GPR157: variants seen among roughly 807,000 people sequenced by gnomAD.
The protein encoded by GPR157 is G protein-coupled receptor 157, also known as G-protein coupled receptor 157.
GPR157 carries 16 observed loss-of-function variants against 23.5 expected under a neutral mutation model. The observed-to-expected ratio is 0.68, with a 90% CI of 0.46 to 1.04. The LOEUF (loss-of-function observed/expected upper bound fraction) is 1.04, where lower values mean the gene tolerates loss of function less well. Ranked by LOEUF, GPR157 falls within the 50% of genes least tolerant of loss-of-function variation. The probability of loss-of-function intolerance (pLI) is 0.00; values close to 1 mark genes in which losing one functional copy is unlikely to be tolerated. For missense variants in GPR157, 440 were observed against 460.7 expected, an observed-to-expected ratio of 0.96 and a Z score of 0.41; for synonymous variants, 200 against 221.5, an observed-to-expected ratio of 0.90 and a Z score of 0.86.
At chr1:9,107,990 A>G (rs1014029502) in intron 2 of GPR157, among the ~76,000 whole-genome samples, 18 of 151,576 alleles carry the variant, frequency 1.2e-4, no homozygotes, top group African/African-American at 9.7e-5. Flanking sequence ...TACTCAGGAG[A>G]CTGAGGTGGA....
chr1:9,116,806 G>T (rs1638691383), intron 1 of GPR157, among the ~76,000 whole-genome samples: 1 of 151,528 alleles, frequency 6.6e-6, no homozygotes, highest in Non-Finnish European at 1.5e-5. Context: ...CAGTGGCATA[G>T]TCATGGCTCA....
At position 9,105,034 on chromosome 1, in the gene GPR157, A is replaced by AAC. The variant is rs199973020; in HGVS notation, c.793-402_793-401dup. 0.37 allele frequency among the ~76,000 whole-genome samples: 42,993 copies of AAC among 116,348 alleles called. 7,715 individuals are homozygous for AAC. The highest frequency in any genetic ancestry group is 0.43 in the Middle Eastern group (99 of 232). 76.3% of individuals were successfully genotyped at this position (116,348 alleles called of 152,430 possible). On this transcript the variant is annotated intron_variant, in intron 3 of 3. Coordinates refer to ENST00000377411, the MANE Select transcript of GPR157 (RefSeq NM_024980.5). This position sits in a 1 kb window ranked among gnomAD's most constrained non-coding sequence, Gnocchi z 4.8. ...CCCCAAAAAAGAGAAATGGCTGAGAAACACACACACACACACACACACACA... is the reference window on the plus strand; with the variant it reads ...CCCCAAAAAAGAGAAATGGCTGAGAAACACACACACACACACACACACACACA...
At chr1:9,115,591 C>G (rs1638617828) in intron 1 of GPR157, among the ~76,000 whole-genome samples, 1 of 152,020 alleles carries the variant, frequency 6.6e-6, no homozygotes, top group South Asian at 2.1e-4. Flanking sequence ...GAGTTTTCTT[C>G]CCCCCACACT....
At chr1:9,110,384 G>A (rs12740236) in intron 2 of GPR157, among the ~76,000 whole-genome samples, 21,117 of 152,110 alleles carry the variant, frequency 0.14, 1,628 homozygotes, top group Middle Eastern at 0.21. Flanking sequence ...TTAGCTGGGC[G>A]TGGCGGCACG....
intron 1 of GPR157, among the ~76,000 whole-genome samples, chr1:9,112,397 C>T (rs1399817445): frequency 1.3e-5 from 2 of 152,192 alleles, no homozygotes; most frequent in South Asian, 4.1e-4. Context: ...CAAGGGTCAA[C>T]GGGGACCTTT....
chr1:9,112,662 A>G (rs138218922), intron 1 of GPR157, among the ~76,000 whole-genome samples: 2,129 of 152,272 alleles, frequency 0.014, 65 homozygotes, highest in African/African-American at 0.048. Context: ...CATGTTGGCC[A>G]GCCTGGTCTT....
At chr1:9,110,567 T>C (rs1638461111) in intron 2 of GPR157, among the ~76,000 whole-genome samples, 1 of 152,074 alleles carries the variant, frequency 6.6e-6, no homozygotes, top group Non-Finnish European at 1.5e-5. Context: ...ACAGAATGAG[T>C]GACCGAGTGG....
chr1:9,129,001 C>T lies in GPR157; in HGVS notation c.27G>A (p.Glu9=). The T allele has an allele frequency of 7.6e-7, 1 of 1,317,720 alleles. No homozygotes were observed. Among genetic ancestry groups the T allele is most frequent in the Non-Finnish European group, 9.6e-7 (1 of 1,037,286 alleles). 81.6% of individuals were successfully genotyped at this position (1,317,720 alleles called of 1,614,324 possible). ...CCACGGCGCGCTCCGACGGCACCAG[C>T]TCGGTGGGCGGCGGGGACGGCTGCA... is the stretch of plus-strand genomic sequence containing the variant. The part of the protein sequence containing the change: MQPSPPPT[E]LVPSERAVVL... The change falls in exon 1 of 4, where the codon GAG becomes GAA. Residue 9 remains glutamate (E), a synonymous_variant. Transcript: ENST00000377411.
intron 1 of GPR157, among the ~76,000 whole-genome samples, chr1:9,114,234 C>G (rs556521697): frequency 7.0e-6 from 1 of 143,442 alleles, no homozygotes; most frequent in Admixed American, 7.4e-5. Context: ...GAGGCTGAGG[C>G]GGGAGAATCC....
At chr1:9,126,954 T>C (rs1339055382) in intron 1 of GPR157, among the ~76,000 whole-genome samples, 1 of 152,034 alleles carries the variant, frequency 6.6e-6, no homozygotes, top group Non-Finnish European at 1.5e-5. Flanking sequence ...TCTGCAATCA[T>C]AGCTCACTAC....
intron 1 of GPR157, among the ~76,000 whole-genome samples, chr1:9,122,264 G>A (rs777107745): frequency 2.0e-5 from 3 of 152,156 alleles, no homozygotes; most frequent in Non-Finnish European, 4.4e-5. Flanking sequence ...TGTGGGAGCC[G>A]CCTCACCAGC....
chr1:9,104,629 G>A lies in GPR157; in HGVS notation c.798C>T (p.Ile266=), dbSNP rs143401508. The A allele has an allele frequency of 9.7e-5, 155 of 1,597,816 alleles. No individual in the cohort carries two copies. The highest frequency in any genetic ancestry group is 1.3e-4 in the Non-Finnish European group (148 of 1,170,590). Residue 266 remains isoleucine, a synonymous_variant, in exon 4 of 4, where the codon ATC becomes ATT. Coordinates refer to ENST00000377411, the MANE Select transcript of GPR157 (RefSeq NM_024980.5). ...TGGCACCTCCCTGAAACGTGTTCCC[G>A]ATACCCTGTCGGGAGAAAAGGAGCT... The part of the protein sequence containing the change: ...QTPVLVVLHG[I]GNTFQGGANC...
At chr1:9,125,198 C>A (rs1044784388) in intron 1 of GPR157, among the ~76,000 whole-genome samples, 8 of 152,112 alleles carry the variant, frequency 5.3e-5, no homozygotes, top group Non-Finnish European at 2.9e-5. Flanking sequence ...CCCATCCATT[C>A]TGTTGGGTTA....
Position 9,100,961 on chromosome 1 carries a change from T to G in GPR157, c.*3458A>C, listed in dbSNP as rs183314752. 1 of 152,172 alleles carries G rather than the reference T, an allele frequency of 6.6e-6. No individual in the cohort carries two copies. The highest frequency in any genetic ancestry group is 1.9e-4 in the East Asian group (1 of 5,180). 9.4% of individuals were successfully genotyped at this position (152,172 alleles called of 1,614,324 possible). A position where few individuals can be genotyped will look rare whatever the true frequency, so the allele number is the denominator to read the frequency against. On this transcript the variant is annotated 3_prime_UTR_variant, in exon 4 of 4. Transcript: ENST00000377411. ...CTGCAGTGAGCCATGATTGCATCAC[T>G]GCACTCCAGACTGGGTATGATGCTC... is the stretch of plus-strand genomic sequence containing the variant.
intron 1 of GPR157, among the ~76,000 whole-genome samples, chr1:9,127,430 C>T (rs925834570): frequency 6.6e-6 from 1 of 152,168 alleles, no homozygotes; most frequent in East Asian, 1.9e-4. Context: ...CACGATCTCC[C>T]GTGTACTCGG....
intron 2 of GPR157, among the ~76,000 whole-genome samples, chr1:9,109,122 G>A (rs1253872349): frequency 4.3e-5 from 6 of 140,840 alleles, no homozygotes; most frequent in Non-Finnish European, 6.1e-5. Flanking sequence ...TTGCTCTGTG[G>A]CCCAGGCTAG....
In GPR157 at chr1:9,101,934, C is replaced by T. The variant is rs1056911976; in HGVS notation, c.*2485G>A. On this transcript the variant is annotated 3_prime_UTR_variant, in exon 4 of 4. Coordinates refer to ENST00000377411, the MANE Select transcript of GPR157 (RefSeq NM_024980.5). Reference sequence around the variant, plus strand: ...CAAGCAAATTCCTGAATTTTCGCTCCCTTCTAGAAGCTCAAGTGAGGGTCT... The same window carrying T: ...CAAGCAAATTCCTGAATTTTCGCTCTCTTCTAGAAGCTCAAGTGAGGGTCT... 1.3e-5 allele frequency: 2 copies of T among 152,126 alleles called. No individual in the cohort carries two copies. Among genetic ancestry groups the T allele is most frequent in the East Asian group, 1.9e-4 (1 of 5,190 alleles). 9.4% of individuals were successfully genotyped at this position (152,126 alleles called of 1,614,324 possible).
intron 3 of GPR157, 31 bp from the exon 4 acceptor site, chr1:9,104,665 G>A (rs1274160955): frequency 6.6e-7 from 1 of 1,506,930 alleles, no homozygotes; most frequent in Non-Finnish European, 9.0e-7. Flanking sequence ...GTGAGCATGG[G>A]GCTGGAGTTG....
At chr1:9,123,732 A>ATTTATATTTAATAT (rs1638900518) in intron 1 of GPR157, among the ~76,000 whole-genome samples, 1 of 123,170 alleles carries the variant, frequency 8.1e-6, no homozygotes, top group African/African-American at 3.0e-5. Context: ...ATAATTTTAA[A>ATTTATATTTAATAT]TATATATTTA....
Sources: allele counts gnomAD v4.1 joint callset (sites outside exome capture counted in the v4.1 genomes callset), GRCh38; gene constraint gnomAD v4.1.1; non-coding constraint Gnocchi (gnomAD v3.1); transcripts MANE v1.5; gene names NCBI Gene and HGNC (gene_info 2026-07-23, HGNC 2026-07-21).